The following THOP1 variants were observed in gnomAD, a reference collection of about 807,000 sequenced individuals.
THOP1 encodes the protein thimet oligopeptidase.
THOP1 carries 49 observed loss-of-function variants against 71.8 expected under a neutral mutation model. The ratio of observed to expected loss-of-function variants is 0.68; its 90% CI spans 0.54 to 0.87. THOP1 has a LOEUF of 0.87. Ranked by LOEUF, THOP1 falls within the 40% of genes least tolerant of loss-of-function variation. The probability of loss-of-function intolerance (pLI) is 0.00; values close to 1 mark genes in which losing one functional copy is unlikely to be tolerated. For synonymous variants in THOP1, 426 were observed against 421.5 expected (o/e 1.01, Z -0.13); for missense variants, 843 against 975.6 (o/e 0.86, Z 1.81).
chr19:2,794,142 G>A (rs1400942565), intron 2 of THOP1, among the ~76,000 whole-genome samples: 1 of 151,890 alleles, frequency 6.6e-6, no homozygotes, highest in Non-Finnish European at 1.5e-5. Context: ...AGCCTCCCAA[G>A]TAGTTGGAAT....
intron 2 of THOP1, among the ~76,000 whole-genome samples, chr19:2,790,862 G>A (rs1915860386): frequency 6.6e-6 from 1 of 152,366 alleles, no homozygotes; most frequent in East Asian, 1.9e-4. Flanking sequence ...AGGTGTAGGA[G>A]AGAGGCAGTT....
intron 5 of THOP1, 144 bp downstream of exon 5, chr19:2,799,935 C>T (rs1024606254): frequency 1.4e-6 from 1 of 694,976 alleles, no homozygotes; most frequent in African/African-American, 1.8e-5. Flanking sequence ...ACCTGACCGC[C>T]CTGGGCTGAG....
intron 1 of THOP1, among the ~76,000 whole-genome samples, chr19:2,787,936 G>A (rs1210312818): frequency 1.3e-5 from 2 of 152,218 alleles, no homozygotes; most frequent in African/African-American, 2.4e-5. Context: ...TGCAGAAAGA[G>A]TAATTTGATT....
intron 12 of THOP1, among the ~76,000 whole-genome samples, chr19:2,812,579 G>A (rs987400342): frequency 1.3e-5 from 2 of 152,190 alleles, no homozygotes; most frequent in Non-Finnish European, 2.9e-5. Context: ...CTGTAGAGGT[G>A]GAGTCCCCCG....
Position 2,802,522 on chromosome 19 carries a change from CACACCTCCCGACACCA to C in THOP1, c.590-2471_590-2456del, listed in dbSNP as rs372357129. On this transcript the variant is annotated intron_variant, in intron 5 of 12. Coordinates refer to ENST00000307741, the MANE Select transcript of THOP1 (RefSeq NM_003249.5). ...CCCGACACCAACACCTCACGACACC[CACACCTCCCGACACCA>C]ACACCTCCCGACACCAACACCTTCC... 8.6e-3 allele frequency among the ~76,000 whole-genome samples: 1,164 copies of C among 135,710 alleles called. 20 individuals carry two copies. Among genetic ancestry groups the C allele is most frequent in the African/African-American group, 0.034 (1,079 of 31,342 alleles). 89.0% of individuals were successfully genotyped at this position (135,710 alleles called of 152,430 possible).
In THOP1 at chr19:2,808,421, G is replaced by T. The variant is rs774443675; in HGVS notation, c.1432G>T (p.Val478Leu). ...VETYFHEFGHVMHQLCSQAEF... is the reference protein window; with the variant it reads ...VETYFHEFGHLMHQLCSQAEF... ...GACCTACTTCCATGAGTTTGGCCAC[G>T]TGATGCACCAGCTCTGCTCCCAGGT... Residue 478 changes from valine (V) to leucine (L), a missense_variant, in exon 9 of 13, where the codon GTG (valine) becomes TTG (leucine). Coordinates refer to ENST00000307741, the MANE Select transcript of THOP1 (RefSeq NM_003249.5). The T allele has an allele frequency of 2.5e-6, 4 of 1,608,262 alleles. No individual in the cohort carries two copies. Among genetic ancestry groups the T allele is most frequent in the Non-Finnish European group, 3.4e-6 (4 of 1,176,632 alleles).
chr19:2,799,553 C>T, intron 4 of THOP1, 136 bp from the exon 5 acceptor site: 4 of 666,552 alleles, frequency 6.0e-6, no homozygotes, highest in Non-Finnish European at 1.0e-5. Flanking sequence ...ACTCTTTCCT[C>T]CTCGGTTGCC....
In THOP1 at chr19:2,804,604, T is replaced by C. The variant is rs1916244625; in HGVS notation, c.590-412T>C. ...GCACTGCCTCTAACGCTGGTTTCCT[T>C]GTGCAGTGGCCGGGCCACCCTTCCC... is the stretch of plus-strand genomic sequence containing the variant. On this transcript the variant is annotated intron_variant, in intron 5 of 12. Coordinates refer to ENST00000307741, the MANE Select transcript of THOP1 (RefSeq NM_003249.5). This position sits in a 1 kb window ranked among gnomAD's most constrained non-coding sequence, Gnocchi z 4.7. 1 of 164,918 alleles carries C rather than the reference T, an allele frequency of 6.1e-6. No homozygotes were observed. The highest frequency in any genetic ancestry group is 1.3e-5 in the Non-Finnish European group (1 of 76,876). The allele number at this position is 164,918 out of a possible 1,614,324, so 10.2% of individuals were successfully genotyped here.
chr19:2,811,472 C>T, intron 11 of THOP1, 126 bp from the exon 12 acceptor site: 1 of 1,332,776 alleles, frequency 7.5e-7, no homozygotes, highest in Non-Finnish European at 1.0e-6. Flanking sequence ...TCTCGGCCCT[C>T]ACCGTGATCC....
rs1181591550 is a variant in THOP1, at chr19:2,815,349, A to G, written c.*2073A>G. The G allele has an allele frequency of 1.3e-5, 2 of 152,236 alleles. No homozygotes were observed. The highest frequency in any genetic ancestry group is 2.9e-5 in the Non-Finnish European group (2 of 68,092). The allele number at this position is 152,236 out of a possible 1,614,324, so 9.4% of individuals were successfully genotyped here. On this transcript the variant is annotated 3_prime_UTR_variant, in exon 13 of 13. Coordinates refer to ENST00000307741, the MANE Select transcript of THOP1 (RefSeq NM_003249.5). ...CGTGGGCGGATGGCCTGGACCATCC[A>G]CACCCCACTCCCCTGGAAGTCACCA...
At chr19:2,796,210 T>C in intron 4 of THOP1, 22 bp downstream of exon 4, 1 of 1,583,702 alleles carries the variant, frequency 6.3e-7, no homozygotes, top group Non-Finnish European at 8.6e-7. Flanking sequence ...GTGTAGGGAG[T>C]GCTGGGCGTG....
At chr19:2,798,077 G>A (rs1250928846) in intron 4 of THOP1, among the ~76,000 whole-genome samples, 1 of 152,162 alleles carries the variant, frequency 6.6e-6, no homozygotes, top group Non-Finnish European at 1.5e-5. Flanking sequence ...CTCCCAGGCT[G>A]GAGTGCAACG....
At chr19:2,785,733 C>A in intron 1 of THOP1, 55 bp downstream of exon 1, 1 of 1,336,900 alleles carries the variant, frequency 7.5e-7, no homozygotes, top group East Asian at 3.0e-5. Flanking sequence ...TCGCTCCTCC[C>A]GGGGTCGCGA....
intron 5 of THOP1, among the ~76,000 whole-genome samples, chr19:2,803,324 C>T (rs879743279): frequency 1.3e-5 from 2 of 152,188 alleles, no homozygotes; most frequent in Non-Finnish European, 2.9e-5. Context: ...ACAAGTGCAG[C>T]GGGGCATGCC....
At chr19:2,789,642 A>G (rs568261229) in intron 1 of THOP1, among the ~76,000 whole-genome samples, 11 of 152,264 alleles carry the variant, frequency 7.2e-5, no homozygotes, top group African/African-American at 2.6e-4. Context: ...CCCCTCTGGC[A>G]TGGCAGGAGT....
rs369163630 is a variant in THOP1 at position 2,808,458 on chromosome 19, CGGGCAGGGGCAG to C, written c.1455+37_1455+48del. 1.4e-3 allele frequency: 2,248 copies of C among 1,577,350 alleles called. 26 individuals carry two copies. The African/African-American group carries it at 0.021, about 15-fold the overall frequency. On this transcript the variant is annotated intron_variant, in intron 9 of 12. Coordinates refer to ENST00000307741, the MANE Select transcript of THOP1 (RefSeq NM_003249.5). Reference sequence around the variant, plus strand: ...CTCTGCTCCCAGGTGGGTGCGGGCCCGGGCAGGGGCAGGGGCAGGGGCAGGGGCAGGGGCTGC... The same window carrying C: ...CTCTGCTCCCAGGTGGGTGCGGGCCCGGGCAGGGGCAGGGGCAGGGGCTGC...
intron 7 of THOP1, 111 bp downstream of exon 7, chr19:2,807,163 G>C: frequency 7.1e-7 from 1 of 1,399,570 alleles, no homozygotes; most frequent in Non-Finnish European, 9.4e-7. Flanking sequence ...TCCATGAAGA[G>C]GGACTTCTGA....
At chr19:2,785,747 G>C in intron 1 of THOP1, 69 bp downstream of exon 1, 1 of 1,313,352 alleles carries the variant, frequency 7.6e-7, no homozygotes, top group Non-Finnish European at 9.8e-7. Flanking sequence ...GTCGCGACTT[G>C]GGCCTAAGGC....
Position 2,804,144 on chromosome 19 carries a change from T to C in THOP1, c.590-872T>C, listed in dbSNP as rs990922532. Among the ~76,000 whole-genome samples the C allele has an allele frequency of 6.6e-5, 10 of 152,188 alleles. No individual in the cohort carries two copies. Among genetic ancestry groups the C allele is most frequent in the African/African-American group, 2.2e-4 (9 of 41,450 alleles). ...GGGTTGAGGTGAACCAGTCTTTGCA[T>C]TGAAGCTGCAAGCCTGAGGCACGGT... On this transcript the variant is annotated intron_variant, in intron 5 of 12. Coordinates refer to ENST00000307741, the MANE Select transcript of THOP1 (RefSeq NM_003249.5). This position sits in a 1 kb window ranked among gnomAD's most constrained non-coding sequence, Gnocchi z 4.7.
Sources: gnomAD v4.1 joint callset for allele counts (sites outside exome capture counted in the v4.1 genomes callset) on GRCh38, gnomAD v4.1.1 for gene constraint, Gnocchi (gnomAD v3.1) non-coding constraint, MANE v1.5 for transcripts, NCBI Gene and HGNC (gene_info 2026-07-23, HGNC 2026-07-21) for gene names.